SNX24: variants seen among roughly 807,000 people sequenced by gnomAD.
SNX24 encodes sorting nexin-24.
A neutral mutation model predicts 28.7 loss-of-function variants in SNX24; 22 were observed. The ratio of observed to expected loss-of-function variants is 0.77; its 90% CI spans 0.55 to 1.10. The LOEUF is 1.10. Among genes scored for constraint, SNX24 ranks in the 50% least tolerant of loss-of-function variants. The probability of loss-of-function intolerance (pLI) is 0.00; values close to 1 mark genes in which losing one functional copy is unlikely to be tolerated. For synonymous variants in SNX24, 69 were observed against 71.5 expected (o/e 0.96, Z 0.18); for missense variants, 221 against 201.1 (o/e 1.10, Z -0.60).
Position 122,877,353 on chromosome 5 carries a change from A to G in SNX24, c.60+31660A>G, listed in dbSNP as rs144783322. Among the ~76,000 whole-genome samples the G allele has an allele frequency of 4.4e-4, 67 of 152,270 alleles. No individual in the cohort carries two copies. In the East Asian group the frequency reaches 0.012, roughly 27 times the overall value. On this transcript the variant is annotated intron_variant, in intron 1 of 6. Coordinates refer to ENST00000261369, the MANE Select transcript of SNX24 (RefSeq NM_014035.4). Reference sequence around the variant, plus strand: ...CAGCAAAGTGATATGAAAATGAGGAAACCAGGCTGATTGAACTTACCTTGG... The same window carrying G: ...CAGCAAAGTGATATGAAAATGAGGAGACCAGGCTGATTGAACTTACCTTGG...
chr5:122,860,893 G>A (rs937413068), intron 1 of SNX24, among the ~76,000 whole-genome samples: 2 of 152,052 alleles, frequency 1.3e-5, no homozygotes, highest in African/African-American at 4.8e-5. Context: ...ACTGCGCCCG[G>A]CCAAGAAAAT....
intron 3 of SNX24, among the ~76,000 whole-genome samples, chr5:122,996,685 TAGAA>T (rs1309043687): frequency 1.3e-5 from 2 of 152,140 alleles, no homozygotes; most frequent in African/African-American, 2.4e-5. Context: ...AATTTTAAGA[TAGAA>T]AGAGAAAGGA....
chr5:122,956,291 A>C (rs1760206633), intron 3 of SNX24, among the ~76,000 whole-genome samples: 1 of 151,828 alleles, frequency 6.6e-6, no homozygotes, highest in South Asian at 2.1e-4. Flanking sequence ...CAGTCTCTGC[A>C]GGGAAGGCTT....
At chr5:122,895,158 T>A (rs1057051105) in intron 1 of SNX24, among the ~76,000 whole-genome samples, 2 of 151,936 alleles carry the variant, frequency 1.3e-5, no homozygotes, top group Non-Finnish European at 2.9e-5. Context: ...AAAATATACA[T>A]GGTTGCACAG....
chr5:122,879,531 G>A (rs1198214941), intron 1 of SNX24, among the ~76,000 whole-genome samples: 1 of 152,184 alleles, frequency 6.6e-6, no homozygotes, highest in Non-Finnish European at 1.5e-5. Context: ...CAGTATTGAA[G>A]GGGCCTGAAT....
At chr5:122,892,398 G>A (rs1014112045) in intron 1 of SNX24, among the ~76,000 whole-genome samples, 2 of 151,722 alleles carry the variant, frequency 1.3e-5, no homozygotes, top group African/African-American at 4.8e-5. Flanking sequence ...GCAAAATGCT[G>A]CATTTTCTAC....
At position 123,007,690 on chromosome 5, in the gene SNX24, A is replaced by G; in HGVS notation, c.451A>G (p.Asn151Asp). The G allele has an allele frequency of 1.9e-6, 3 of 1,582,704 alleles. No individual in the cohort carries two copies. The highest frequency in any genetic ancestry group is 2.6e-6 in the Non-Finnish European group (3 of 1,171,078). Residue 151 changes from asparagine (N) to aspartate (D), a missense_variant, in exon 7 of 7, where the codon AAT becomes GAT. Coordinates refer to ENST00000261369, the MANE Select transcript of SNX24 (RefSeq NM_014035.4). ...YVLPAASDFP[N>D]VVIEGVLHGI... ...TTTTTTCTTTTTTTCAGATTTTCCA[A>G]ATGTGGTTATTGAAGGAGTCCTCCA... is the stretch of plus-strand genomic sequence containing the variant.
At chr5:123,011,078 T>G (rs747426511), downstream of SNX24, among the ~76,000 whole-genome samples, 5 of 152,160 alleles carry the variant, frequency 3.3e-5, no homozygotes, top group Non-Finnish European at 7.3e-5. Flanking sequence ...GACCACAGTG[T>G]TAATAGTATT....
At chr5:122,865,189 C>T (rs1466675804) in intron 1 of SNX24, among the ~76,000 whole-genome samples, 1 of 152,246 alleles carries the variant, frequency 6.6e-6, no homozygotes, top group African/African-American at 2.4e-5. Flanking sequence ...CTGTGGCCCA[C>T]TGAAGTTGTC....
chr5:122,867,086 A>G (rs154506), intron 1 of SNX24, among the ~76,000 whole-genome samples: 118,082 of 152,164 alleles, frequency 0.78, 46,821 homozygotes, highest in East Asian at 0.99. Context: ...TTGAGAGCAT[A>G]TATAGCCTTG....
intron 3 of SNX24, among the ~76,000 whole-genome samples, chr5:122,955,062 C>G (rs1166555135): frequency 1.3e-5 from 2 of 151,736 alleles, no homozygotes; most frequent in African/African-American, 4.8e-5. Flanking sequence ...TTTTTCTCAG[C>G]CTATTTTTTT....
intron 1 of SNX24, among the ~76,000 whole-genome samples, chr5:122,859,464 G>A (rs1755356527): frequency 6.6e-6 from 1 of 152,088 alleles, no homozygotes; most frequent in Non-Finnish European, 1.5e-5. Context: ...AATTAGCTGG[G>A]CATAGTGGTA....
chr5:122,865,483 A>T (rs1213581676), intron 1 of SNX24, among the ~76,000 whole-genome samples: 1 of 152,132 alleles, frequency 6.6e-6, no homozygotes, highest in Non-Finnish European at 1.5e-5. Context: ...GGTGCACACC[A>T]CCATGCCCGG....
intron 1 of SNX24, among the ~76,000 whole-genome samples, chr5:122,859,889 CAGTT>C (rs747109483): frequency 2.8e-4 from 43 of 152,256 alleles, no homozygotes; most frequent in East Asian, 9.7e-4. Context: ...TTCTGGTTGA[CAGTT>C]GGTTGAGTTT....
At chr5:122,868,994 G>T (rs1046315657) in intron 1 of SNX24, among the ~76,000 whole-genome samples, 1 of 152,126 alleles carries the variant, frequency 6.6e-6, no homozygotes, top group Non-Finnish European at 1.5e-5. Flanking sequence ...AATGAGAAAC[G>T]TTTTTACATT....
chr5:122,882,822 A>G (rs1756541376), intron 1 of SNX24, among the ~76,000 whole-genome samples: 1 of 152,256 alleles, frequency 6.6e-6, no homozygotes, highest in East Asian at 1.9e-4. Flanking sequence ...ATTATGAATA[A>G]TAACATAAAA....
At chr5:122,848,581 C>T (rs10057564) in intron 1 of SNX24, among the ~76,000 whole-genome samples, 88,183 of 150,372 alleles carry the variant, frequency 0.59, 26,245 homozygotes, top group African/African-American at 0.67. Flanking sequence ...TGGTGGCGGG[C>T]GCGGGTAATC....
chr5:122,886,371 C>T (rs1756713838), intron 1 of SNX24, among the ~76,000 whole-genome samples: 1 of 152,008 alleles, frequency 6.6e-6, no homozygotes, highest in African/African-American at 2.4e-5. Flanking sequence ...TAATTCCTGT[C>T]TCTCTCTCTC....
intron 1 of SNX24, among the ~76,000 whole-genome samples, chr5:122,928,000 T>C (rs1758775816): frequency 6.6e-6 from 1 of 152,192 alleles, no homozygotes; most frequent in South Asian, 2.1e-4. Flanking sequence ...TTTCATTCTC[T>C]CACTTTCTCC....
Sources: gnomAD v4.1 joint callset for allele counts (sites outside exome capture counted in the v4.1 genomes callset) on GRCh38, gnomAD v4.1.1 for gene constraint, MANE v1.5 for transcripts, NCBI Gene and HGNC (gene_info 2026-07-23, HGNC 2026-07-21) for gene names.